TGM5: variants seen among roughly 807,000 people sequenced by gnomAD.
TGM5 encodes the protein protein-glutamine gamma-glutamyltransferase 5.
In TGM5, 69 loss-of-function variants were observed where a neutral mutation model predicts 77.2. That is an observed-to-expected ratio of 0.89 (90% confidence interval 0.74 to 1.09). TGM5 has a LOEUF of 1.09. Among genes scored for constraint, TGM5 ranks in the 50% least tolerant of loss-of-function variants. The pLI is 0.00. For synonymous variants in TGM5, 346 were observed against 351.8 expected, an observed-to-expected ratio of 0.98 and a Z score of 0.18; for missense variants, 842 against 896.5, an observed-to-expected ratio of 0.94 and a Z score of 0.78.
intron 9 of TGM5, among the ~76,000 whole-genome samples, chr15:43,237,214 A>G (rs1276362639): frequency 1.3e-5 from 2 of 152,174 alleles, no homozygotes; most frequent in Non-Finnish European, 1.5e-5. Context: ...TTCCCTTGGC[A>G]CTTGCCATTT....
chr15:43,241,881 C>T (rs1248826480), intron 6 of TGM5, among the ~76,000 whole-genome samples: 3 of 151,992 alleles, frequency 2.0e-5, no homozygotes, highest in Non-Finnish European at 2.9e-5. Flanking sequence ...CTCAAGTGAT[C>T]CGCCTGCCTT....
rs984825492 is a variant in TGM5, at chr15:43,253,638, C to CG, written c.556-5dup. The stretch of plus-strand genomic sequence containing the variant: ...TGTCTATGATTTTGTCTTCAAACTT[C>CG]GGGGGGAGAGGCAGAGAGGGAAGGC... On this transcript the variant is annotated splice_region_variant and splice_polypyrimidine_tract_variant and intron_variant, in intron 4 of 12. Transcript: ENST00000220420. 17 of 1,612,288 alleles carry CG rather than the reference C, an allele frequency of 1.1e-5. No homozygotes were observed. The African/African-American group carries it at 2.3e-4, about 22-fold the overall frequency.
At chr15:43,264,737 G>T (rs746744317) in intron 1 of TGM5, among the ~76,000 whole-genome samples, 27 of 152,170 alleles carry the variant, frequency 1.8e-4, no homozygotes, top group Non-Finnish European at 3.2e-4. Context: ...CCACTGAATT[G>T]TGGACTTTAT....
In TGM5 at chr15:43,233,296, G is replaced by A. The variant is rs367687468; in HGVS notation, c.2058C>T (p.Thr686=). Residue 686 remains threonine, a synonymous_variant, in exon 13 of 13, where the codon ACC becomes ACT. Coordinates refer to ENST00000220420, the MANE Select transcript of TGM5 (RefSeq NM_201631.4). ...GCCTTTGTCCACTCTTGAAGGGGAC[G>A]GTCTCCAGAATGATGCTTGCTTGGT... ...PQHQASIILE[T]VPFKSGQRQI... 37 of 1,613,954 alleles carry A rather than the reference G, an allele frequency of 2.3e-5. No individual in the cohort carries two copies. The highest frequency in any genetic ancestry group is 1.0e-4 in the Admixed American group (6 of 59,998).
In TGM5 at chr15:43,261,065, TTTGTGTGTGTG is replaced by T. The variant is rs1386000486; in HGVS notation, c.11-497_11-487del. Among the ~76,000 whole-genome samples, 28 of 50,516 alleles carry T rather than the reference TTTGTGTGTGTG, an allele frequency of 5.5e-4. 2 individuals carry two copies. Among genetic ancestry groups the T allele is most frequent in the African/African-American group, 2.6e-3 (27 of 10,428 alleles). The allele number at this position is 50,516 out of a possible 152,430, so 33.1% of individuals were successfully genotyped here. On this transcript the variant is annotated intron_variant, in intron 1 of 12. Coordinates refer to ENST00000220420, the MANE Select transcript of TGM5 (RefSeq NM_201631.4). ...CCTTGGGCTAGCTGCTCTTCCTTTTTTTGTGTGTGTGTTTTTTTTTTTTTTTTTTTTTTTTT... is the reference window on the plus strand; with the variant it reads ...CCTTGGGCTAGCTGCTCTTCCTTTTTTTTTTTTTTTTTTTTTTTTTTTTTT...
At chr15:43,242,644 A>G (rs1310896975) in intron 6 of TGM5, among the ~76,000 whole-genome samples, 1 of 152,226 alleles carries the variant, frequency 6.6e-6, no homozygotes, top group Non-Finnish European at 1.5e-5. Context: ...TCTCCAGGCC[A>G]GGGTGGGGAC....
At chr15:43,236,147 TAAG>T (rs2042588924) in intron 9 of TGM5, among the ~76,000 whole-genome samples, 1 of 151,998 alleles carries the variant, frequency 6.6e-6, no homozygotes, top group Non-Finnish European at 1.5e-5. Flanking sequence ...ACACAACTAG[TAAG>T]GAGCAGATCC....
intron 9 of TGM5, among the ~76,000 whole-genome samples, chr15:43,237,471 G>A (rs543246214): frequency 2.0e-4 from 30 of 152,088 alleles, no homozygotes; most frequent in Non-Finnish European, 3.1e-4. Flanking sequence ...TCAGTGATAG[G>A]GTTGCCAGAT....
At chr15:43,234,737 C>T (rs981195884) in intron 11 of TGM5, 32 bp downstream of exon 11, 1 of 1,613,774 alleles carries the variant, frequency 6.2e-7, no homozygotes, top group Non-Finnish European at 8.5e-7. Flanking sequence ...ATCCAAGGAG[C>T]CCCACAAGCC....
intron 1 of TGM5, among the ~76,000 whole-genome samples, chr15:43,266,399 G>A (rs1204845620): frequency 6.6e-6 from 1 of 152,216 alleles, no homozygotes; most frequent in African/African-American, 2.4e-5. Context: ...AATGGAGGAA[G>A]AAGAGAAGAT....
intron 9 of TGM5, 30 bp downstream of exon 9, chr15:43,238,787 G>T: frequency 6.2e-7 from 1 of 1,611,930 alleles, no homozygotes; most frequent in Non-Finnish European, 8.5e-7. Flanking sequence ...CAGGGCTGGG[G>T]CTCTGAGTAG....
At chr15:43,238,728 C>T in intron 9 of TGM5, 89 bp downstream of exon 9, 1 of 1,558,344 alleles carries the variant, frequency 6.4e-7, no homozygotes. Flanking sequence ...GGGGCTGGGT[C>T]CTGCCTCGCA....
At chr15:43,245,905 G>C (rs114141767) in intron 6 of TGM5, among the ~76,000 whole-genome samples, 1,515 of 148,446 alleles carry the variant, frequency 0.01, 34 homozygotes, top group African/African-American at 0.035. Context: ...GTGTTGGGGG[G>C]GGGGGTCTTA....
chr15:43,253,764 G>T, intron 4 of TGM5, 130 bp from the exon 5 acceptor site: 1 of 1,285,716 alleles, frequency 7.8e-7, no homozygotes, highest in Non-Finnish European at 1.1e-6. Context: ...AAACAGAACA[G>T]CCATGAATTC....
chr15:43,261,430 A>AC (rs2042790060), intron 1 of TGM5, among the ~76,000 whole-genome samples: 1 of 152,030 alleles, frequency 6.6e-6, no homozygotes. Flanking sequence ...CTCTCTGACC[A>AC]CCACAGGCCA....
chr15:43,252,706 T>A (rs1352992137), intron 6 of TGM5, 53 bp downstream of exon 6: 1 of 1,601,308 alleles, frequency 6.2e-7, no homozygotes, highest in East Asian at 2.2e-5. Flanking sequence ...AGAAGGCTCA[T>A]ACATGAGCGG....
At chr15:43,264,041 G>A (rs1370173816) in intron 1 of TGM5, among the ~76,000 whole-genome samples, 2 of 152,076 alleles carry the variant, frequency 1.3e-5, no homozygotes, top group East Asian at 1.9e-4. Context: ...ATACGCAAAA[G>A]GCTAATAAAT....
chr15:43,264,128 A>G (rs2042809740), intron 1 of TGM5, among the ~76,000 whole-genome samples: 1 of 152,218 alleles, frequency 6.6e-6, no homozygotes, highest in Admixed American at 6.5e-5. Flanking sequence ...TAGGATGACT[A>G]TAATAACAAG....
intron 1 of TGM5, among the ~76,000 whole-genome samples, chr15:43,265,140 C>CA (rs34922681): frequency 1.3e-5 from 2 of 152,134 alleles, no homozygotes; most frequent in African/African-American, 2.4e-5. Context: ...CTTGCAGGGA[C>CA]AAAATGTCAT....
Sources: allele counts gnomAD v4.1 joint callset (sites outside exome capture counted in the v4.1 genomes callset), GRCh38; gene constraint gnomAD v4.1.1; transcripts MANE v1.5; gene names NCBI Gene and HGNC (gene_info 2026-07-23, HGNC 2026-07-21).